Variants in POC1A observed in about 807,000 individuals in gnomAD.
POC1A encodes POC1 centriolar protein A.
POC1A carries 34 observed loss-of-function variants against 47.8 expected under a neutral mutation model. The ratio of observed to expected loss-of-function variants is 0.71; its 90% CI spans 0.54 to 0.95. The LOEUF is 0.95. Among genes scored for constraint, POC1A ranks in the 40% least tolerant of loss-of-function variants. POC1A has a pLI of 0.00. For missense variants in POC1A, 466 were observed against 528.3 expected, an observed-to-expected ratio of 0.88 and a Z score of 1.16; for synonymous variants, 177 against 207.6, an observed-to-expected ratio of 0.85 and a Z score of 1.27.
At chr3:52,102,081 A>G (rs1442427265) in intron 9 of POC1A, among the ~76,000 whole-genome samples, 1 of 152,184 alleles carries the variant, frequency 6.6e-6, no homozygotes, top group Non-Finnish European at 1.5e-5. Flanking sequence ...AAGTTTGAAT[A>G]TAACTCATCT....
At chr3:52,099,004 A>G (rs2106984717) in intron 9 of POC1A, among the ~76,000 whole-genome samples, 1 of 152,336 alleles carries the variant, frequency 6.6e-6, no homozygotes, top group African/African-American at 2.4e-5. Flanking sequence ...CCCGGACATG[A>G]GACAGCCTCT....
chr3:52,153,167 G>A (rs1698610027), intron 1 of POC1A, among the ~76,000 whole-genome samples: 1 of 152,206 alleles, frequency 6.6e-6, no homozygotes. Flanking sequence ...ATTCTGTGGT[G>A]TATGAATAAC....
At chr3:52,077,462 C>T (rs1433900721) in intron 10 of POC1A, among the ~76,000 whole-genome samples, 2 of 152,244 alleles carry the variant, frequency 1.3e-5, no homozygotes, top group African/African-American at 4.8e-5. Flanking sequence ...TCTAAATGGG[C>T]CAATCAGGGC....
chr3:52,128,665 C>T (rs944522011), intron 7 of POC1A, among the ~76,000 whole-genome samples: 2 of 152,138 alleles, frequency 1.3e-5, no homozygotes, highest in Non-Finnish European at 2.9e-5. Context: ...CCTTGGAGGC[C>T]CCAGATTACT....
chr3:52,133,090 T>G (rs1233167509), intron 7 of POC1A, among the ~76,000 whole-genome samples: 1 of 150,478 alleles, frequency 6.6e-6, no homozygotes, highest in Non-Finnish European at 1.5e-5. Context: ...AAGGTAACAG[T>G]GTTGGGAGGT....
intron 9 of POC1A, among the ~76,000 whole-genome samples, chr3:52,119,597 T>C (rs1703695014): frequency 6.6e-6 from 1 of 152,108 alleles, no homozygotes. Context: ...GATCTTGCTG[T>C]GTTGACCAGG....
chr3:52,142,426 C>T (rs1577914078), intron 6 of POC1A, among the ~76,000 whole-genome samples: 1 of 152,186 alleles, frequency 6.6e-6, no homozygotes, highest in Non-Finnish European at 1.5e-5. Flanking sequence ...AGTCAGCCAG[C>T]GCAAGACAAA....
At chr3:52,076,961 G>C (rs1702133802) in intron 10 of POC1A, among the ~76,000 whole-genome samples, 1 of 152,290 alleles carries the variant, frequency 6.6e-6, no homozygotes, top group African/African-American at 2.4e-5. Context: ...GCTTTGGATA[G>C]AGTGTCAGCA....
rs1698387995 is a variant in POC1A, at chr3:52,147,040, G to A, written c.511C>T (p.Leu171=). Residue 171 remains leucine (L), a synonymous_variant, in exon 5 of 11, where the codon CTG becomes TTG. Transcript: ENST00000296484. ...VSASDDKTVK[L]WDKSSRECVH... ...CATTCCCGGCTGCTCTTGTCCCACA[G>A]CTTAACAGTCTTGTCATCACTGGCA... is the stretch of plus-strand genomic sequence containing the variant. 6.2e-7 allele frequency: 1 copy of A among 1,614,054 alleles called. No homozygotes were observed. The highest frequency in any genetic ancestry group is 1.1e-5 in the South Asian group (1 of 91,090).
chr3:52,086,495 C>CG (rs1464458790), intron 10 of POC1A, among the ~76,000 whole-genome samples: 1 of 152,228 alleles, frequency 6.6e-6, no homozygotes, highest in African/African-American at 2.4e-5. Flanking sequence ...GCAGGGCTGC[C>CG]GGGCCCCACT....
intron 7 of POC1A, among the ~76,000 whole-genome samples, chr3:52,128,430 G>A (rs774472354): frequency 2.0e-5 from 3 of 152,206 alleles, no homozygotes; most frequent in Non-Finnish European, 4.4e-5. Flanking sequence ...GGGATGAAGC[G>A]AGTGATAAGC....
intron 3 of POC1A, 115 bp from the exon 4 acceptor site, chr3:52,149,504 A>C: frequency 1.1e-6 from 1 of 919,854 alleles, no homozygotes; most frequent in Non-Finnish European, 1.7e-6. Context: ...GTCAAGCCCG[A>C]GTACCCCAGT....
At chr3:52,146,918 C>G in intron 5 of POC1A, 70 bp downstream of exon 5, 1 of 1,253,818 alleles carries the variant, frequency 8.0e-7, no homozygotes. Flanking sequence ...GGCCACTGGG[C>G]CTCCTCATGC....
chr3:52,115,034 A>T (rs944924377), intron 9 of POC1A, among the ~76,000 whole-genome samples: 1 of 152,224 alleles, frequency 6.6e-6, no homozygotes, highest in African/African-American at 2.4e-5. Context: ...GGGCAGCTTG[A>T]GGCGTCGGGG....
intron 7 of POC1A, among the ~76,000 whole-genome samples, chr3:52,129,418 A>G (rs1211484026): frequency 6.6e-6 from 1 of 152,212 alleles, no homozygotes; most frequent in African/African-American, 2.4e-5. Context: ...TTATTTAATC[A>G]ATCACTCTTC....
intron 9 of POC1A, among the ~76,000 whole-genome samples, chr3:52,114,053 T>G (rs1417315689): frequency 1.3e-5 from 2 of 151,766 alleles, no homozygotes; most frequent in Non-Finnish European, 2.9e-5. Flanking sequence ...CTGCGTGAGG[T>G]TACAGGAGAC....
At chr3:52,076,022 G>T in intron 10 of POC1A, 37 bp from the exon 11 acceptor site, 1 of 1,539,886 alleles carries the variant, frequency 6.5e-7, no homozygotes, top group South Asian at 1.1e-5. Flanking sequence ...GAACACAGAA[G>T]GGCCGCCAGG....
At chr3:52,118,463 G>A (rs893367857) in intron 9 of POC1A, among the ~76,000 whole-genome samples, 3 of 152,238 alleles carry the variant, frequency 2.0e-5, no homozygotes, top group African/African-American at 7.2e-5. Context: ...AGTGAACAGA[G>A]CTCTATTCAG....
chr3:52,076,219 G>A (rs528526366), intron 10 of POC1A, among the ~76,000 whole-genome samples: 1 of 152,294 alleles, frequency 6.6e-6, no homozygotes, highest in East Asian at 1.9e-4. Context: ...GTGGGCAGGG[G>A]GTGGGGACAC....
Sources: allele counts gnomAD v4.1 joint callset (sites outside exome capture counted in the v4.1 genomes callset), GRCh38; gene constraint gnomAD v4.1.1; transcripts MANE v1.5; gene names NCBI Gene and HGNC (gene_info 2026-07-23, HGNC 2026-07-21).